CAMP: variants seen among roughly 807,000 people sequenced by gnomAD.
CAMP encodes the protein 18 kDa cationic antimicrobial protein.
In CAMP, 10 loss-of-function variants were observed where a neutral mutation model predicts 12.7. The observed-to-expected ratio is 0.79, with a 90% CI of 0.49 to 1.34. The LOEUF (loss-of-function observed/expected upper bound fraction) is 1.34. Among genes scored for constraint, CAMP ranks in the 40% most tolerant of loss-of-function variants. The probability of loss-of-function intolerance (pLI) is 0.00; values close to 1 mark genes in which losing one functional copy is unlikely to be tolerated. For missense variants in CAMP, 205 were observed against 213.0 expected (o/e 0.96, Z 0.23); for synonymous variants, 87 against 85.2 (o/e 1.02, Z -0.12).
At position 48,224,676 on chromosome 3, in the gene CAMP, T is replaced by G. The variant is rs763425871; in HGVS notation, c.381+2T>G. ...TCCTTTGACATCAGTTGTGATAAGG[T>G]GAGTGGGCTGTTCTGGGATGCAGGG... On this transcript the variant is annotated splice_donor_variant, in intron 3 of 3. Transcript: ENST00000652295. LOFTEE classifies it high-confidence loss of function. 6.2e-7 allele frequency: 1 copy of G among 1,610,592 alleles called. No homozygotes were observed. Among genetic ancestry groups the G allele is most frequent in the South Asian group, 1.1e-5 (1 of 91,004 alleles).
chr3:48,225,266 C>A, intron 3 of CAMP, 27 bp from the exon 4 acceptor site: 1 of 1,611,084 alleles, frequency 6.2e-7, no homozygotes, highest in Non-Finnish European at 8.5e-7. Context: ...CGACAAGGAA[C>A]CTGTTTCTTC....
At chr3:48,224,739 C>T in intron 3 of CAMP, 65 bp downstream of exon 3, 7 of 1,176,194 alleles carry the variant, frequency 6.0e-6, no homozygotes, top group Non-Finnish European at 8.9e-6. Flanking sequence ...TCCAATGGGT[C>T]AATTAACTAC....
At chr3:48,223,847 T>C (rs917600839) in intron 1 of CAMP, 135 bp downstream of exon 1, 3 of 677,738 alleles carry the variant, frequency 4.4e-6, no homozygotes, top group Non-Finnish European at 7.7e-6. Flanking sequence ...GGGAACCTTC[T>C]AGAGCTCGTG....
Position 48,223,729 on chromosome 3 carries a change from A to G in CAMP, c.201+17A>G. On this transcript the variant is annotated intron_variant, in intron 1 of 3. Transcript: ENST00000652295. ...CCCACGATGGTGAGCTTTGGGGGAC[A>G]TTCTGCTCTGCTCTGGCTGGGCTTG... The G allele has an allele frequency of 1.9e-6, 3 of 1,603,876 alleles. No homozygotes were observed. The highest frequency in any genetic ancestry group is 1.7e-5 in the Admixed American group (1 of 59,848).
At chr3:48,223,924 C>T (rs1356679200) in intron 1 of CAMP, among the ~76,000 whole-genome samples, 2 of 152,184 alleles carry the variant, frequency 1.3e-5, no homozygotes, top group African/African-American at 4.8e-5. Context: ...CTCACCCCGA[C>T]CCCACGCAGG....
intron 3 of CAMP, 85 bp downstream of exon 3, chr3:48,224,759 C>T: frequency 9.5e-7 from 1 of 1,057,982 alleles, no homozygotes; most frequent in Non-Finnish European, 1.5e-6. Flanking sequence ...CTCCCCCAAC[C>T]CAGGACAGAG....
chr3:48,224,646 G>A lies in CAMP; in HGVS notation c.353G>A (p.Arg118Lys). The change falls in exon 3 of 4, where the codon AGG (arginine) becomes AAG (lysine). Residue 118 changes from arginine (R) to lysine (K), a missense_variant. Coordinates refer to ENST00000652295, the MANE Select transcript of CAMP (RefSeq NM_004345.5). ...GGGACAGTGACCCTCAACCAGGCCA[G>A]GGGCTCCTTTGACATCAGTTGTGAT... ...CMGTVTLNQA[R>K]GSFDISCDKD... 1 of 1,613,868 alleles carries A rather than the reference G, an allele frequency of 6.2e-7. No individual in the cohort carries two copies. Among genetic ancestry groups the A allele is most frequent in the Non-Finnish European group, 8.5e-7 (1 of 1,179,818 alleles).
chr3:48,223,547 G>A lies in CAMP; in HGVS notation c.36G>A (p.Arg12=). The A allele has an allele frequency of 1.2e-6, 2 of 1,609,370 alleles. No homozygotes were observed. The highest frequency in any genetic ancestry group is 1.7e-6 in the Non-Finnish European group (2 of 1,178,076). ...AAAGGGATGGCCACTCCCTGGGGCG[G>A]TGGTCACTGGTGCTCCTGCTGCTGG... ...KTQRDGHSLG[R]WSLVLLLLGL... Residue 12 remains arginine, a synonymous_variant, in exon 1 of 4, where the codon CGG becomes CGA. Transcript: ENST00000652295.
Position 48,225,318 on chromosome 3 carries a change from G to C in CAMP, c.407G>C (p.Gly136Ala), listed in dbSNP as rs199533593. 1 of 1,613,460 alleles carries C rather than the reference G, an allele frequency of 6.2e-7. No homozygotes were observed. The highest frequency in any genetic ancestry group is 2.2e-5 in the East Asian group (1 of 44,864). The change falls in exon 4 of 4, where the codon GGT becomes GCT. Residue 136 changes from glycine to alanine, a missense_variant. By Grantham distance (60) the Gly-to-Ala change is moderately conservative. Transcript: ENST00000652295. ...DKDNKRFALL[G>A]DFFRKSKEKI... ...GATAACAAGAGATTTGCCCTGCTGG[G>C]TGATTTCTTCCGGAAATCTAAAGAG...
chr3:48,223,869 C>T (rs375745672), intron 1 of CAMP, among the ~76,000 whole-genome samples, 157 bp downstream of exon 1: 1 of 152,278 alleles, frequency 6.6e-6, no homozygotes, highest in East Asian at 1.9e-4. Flanking sequence ...CTCCTCCCAG[C>T]TCGAGAGCTT....
chr3:48,223,788 G>A, intron 1 of CAMP, 76 bp downstream of exon 1: 1 of 1,140,220 alleles, frequency 8.8e-7, no homozygotes, highest in Admixed American at 2.0e-5. Context: ...CTGCTGCACT[G>A]CCTGCCAGGA....
intron 1 of CAMP, 69 bp downstream of exon 1, chr3:48,223,781 C>CAGGCAG: frequency 8.6e-7 from 1 of 1,163,204 alleles, no homozygotes; most frequent in Non-Finnish European, 1.3e-6. Context: ...TCTGCTCCTG[C>CAGGCAG]TGCACTGCCT....
At position 48,223,521 on chromosome 3, in the gene CAMP, C is replaced by A; in HGVS notation, c.10C>A (p.Gln4Lys). 6.3e-7 allele frequency: 1 copy of A among 1,595,966 alleles called. No homozygotes were observed. The highest frequency in any genetic ancestry group is 2.3e-5 in the East Asian group (1 of 44,108). The change falls in exon 1 of 4, where the codon CAA becomes AAA. Residue 4 changes from glutamine to lysine, a missense_variant. Transcript: ENST00000652295. MKT[Q>K]RDGHSLGRWS... Reference sequence around the variant, plus strand: ...GGCAGACATGGGGACCATGAAGACCCAAAGGGATGGCCACTCCCTGGGGCG... The same window carrying A: ...GGCAGACATGGGGACCATGAAGACCAAAAGGGATGGCCACTCCCTGGGGCG...
chr3:48,225,437 C>G lies in CAMP; in HGVS notation c.*13C>G. 2 of 1,607,050 alleles carry G rather than the reference C, an allele frequency of 1.2e-6. No homozygotes were observed. The highest frequency in any genetic ancestry group is 1.7e-6 in the Non-Finnish European group (2 of 1,174,764). ...GACAGAGTCCTAGTGTGTGCCCTAC[C>G]CTGGCTCAGGCTTCTGGGCTCTGAG... On this transcript the variant is annotated 3_prime_UTR_variant, in exon 4 of 4. Coordinates refer to ENST00000652295, the MANE Select transcript of CAMP (RefSeq NM_004345.5).
At chr3:48,224,304 A>G (rs1288986047) in intron 1 of CAMP, 50 bp from the exon 2 acceptor site, 1 of 1,297,536 alleles carries the variant, frequency 7.7e-7, no homozygotes, top group African/African-American at 1.5e-5. Context: ...GGTCATGGAC[A>G]CAAATCAGAA....
At chr3:48,224,497 C>A in intron 2 of CAMP, 36 bp downstream of exon 2, 1 of 1,556,340 alleles carries the variant, frequency 6.4e-7, no homozygotes, top group Non-Finnish European at 8.9e-7. Context: ...GTGGGTGCCT[C>A]CCAAGGAGCT....
chr3:48,223,921 C>T (rs557735570), intron 1 of CAMP, among the ~76,000 whole-genome samples: 3 of 152,242 alleles, frequency 2.0e-5, no homozygotes, highest in South Asian at 2.1e-4. Flanking sequence ...ACCCTCACCC[C>T]GACCCCACGC....
chr3:48,223,810 C>T (rs2033459181), intron 1 of CAMP, 98 bp downstream of exon 1: 1 of 884,924 alleles, frequency 1.1e-6, no homozygotes, highest in African/African-American at 1.7e-5. Context: ...GGCATCTCCC[C>T]CTTTAAATGT....
chr3:48,223,658 G>T lies in CAMP; in HGVS notation c.147G>T (p.Arg49=), dbSNP rs1337518764. 3.1e-6 allele frequency: 5 copies of T among 1,614,156 alleles called. No homozygotes were observed. The East Asian group carries it at 6.7e-5, about 22-fold the overall frequency. The change falls in exon 1 of 4, where the codon CGG becomes CGT. Residue 49 remains arginine, a synonymous_variant. Coordinates refer to ENST00000652295, the MANE Select transcript of CAMP (RefSeq NM_004345.5). Reference sequence around the variant, plus strand: ...GTGCTATAGATGGCATCAACCAGCGGTCCTCGGATGCTAACCTCTACCGCC... The same window carrying T: ...GTGCTATAGATGGCATCAACCAGCGTTCCTCGGATGCTAACCTCTACCGCC... The part of the protein sequence containing the change: ...VLRAIDGINQ[R]SSDANLYRLL...
Sources: gnomAD v4.1 joint callset for allele counts (sites outside exome capture counted in the v4.1 genomes callset) on GRCh38, gnomAD v4.1.1 for gene constraint, MANE v1.5 for transcripts, NCBI Gene and HGNC (gene_info 2026-07-23, HGNC 2026-07-21) for gene names.